Variants in LRCH1 observed in about 807,000 individuals in gnomAD.
The protein encoded by LRCH1 is leucine rich repeats and calponin homology domain containing 1.
LRCH1 carries 23 observed loss-of-function variants against 94.9 expected under a neutral mutation model. That is an observed-to-expected ratio of 0.24 (90% CI 0.17 to 0.34). LRCH1 has a LOEUF of 0.34. Ranked by LOEUF, LRCH1 falls within the 10% of genes least tolerant of loss-of-function variation. The pLI, the probability that LRCH1 is intolerant of heterozygous loss-of-function variation, is 1.00. For missense variants in LRCH1, 790 were observed against 945.9 expected, an observed-to-expected ratio of 0.84 and a Z score of 2.16; for synonymous variants, 364 against 354.9, an observed-to-expected ratio of 1.03 and a Z score of -0.29.
chr13:46,694,793 C>G (rs1871088831), intron 8 of LRCH1, 100 bp from the exon 9 acceptor site: 1 of 1,309,548 alleles, frequency 7.6e-7, no homozygotes, highest in Non-Finnish European at 1.1e-6. Flanking sequence ...ATAGGGAACA[C>G]AGAAGACTTG....
intron 13 of LRCH1, among the ~76,000 whole-genome samples, chr13:46,707,529 C>A (rs1478757555): frequency 3.9e-5 from 6 of 152,178 alleles, no homozygotes; most frequent in Non-Finnish European, 8.8e-5. Flanking sequence ...TAGTTCAAGA[C>A]CATCTTAGCA....
chr13:46,677,293 G>C (rs1301915768), intron 3 of LRCH1, among the ~76,000 whole-genome samples: 2 of 151,060 alleles, frequency 1.3e-5, no homozygotes, highest in Middle Eastern at 3.4e-3. Flanking sequence ...GCCATGTGTG[G>C]TGGCACACAC....
chr13:46,741,584 G>T, intron 19 of LRCH1, 58 bp from the exon 20 acceptor site: 1 of 1,604,096 alleles, frequency 6.2e-7, no homozygotes. Context: ...CTGTTCCTCC[G>T]TGTATTTTTA....
chr13:46,663,150 C>T (rs2051470771), intron 2 of LRCH1, among the ~76,000 whole-genome samples: 1 of 152,132 alleles, frequency 6.6e-6, no homozygotes, highest in Admixed American at 6.5e-5. Flanking sequence ...ATTTAATATA[C>T]ATTATGTAAT....
At chr13:46,590,964 T>G (rs1430537408) in intron 1 of LRCH1, among the ~76,000 whole-genome samples, 1 of 152,142 alleles carries the variant, frequency 6.6e-6, no homozygotes, top group South Asian at 2.1e-4. Context: ...TATTTTTCAT[T>G]GCTTATGGCT....
intron 1 of LRCH1, among the ~76,000 whole-genome samples, chr13:46,592,372 TC>T (rs2050510125): frequency 6.6e-6 from 1 of 152,166 alleles, no homozygotes; most frequent in South Asian, 2.1e-4. Context: ...GGCATTCCCA[TC>T]CTTTTAGCTC....
rs560394108 is a variant in LRCH1 at position 46,731,387 on chromosome 13, C to T, written c.2007+2403C>T. Among the ~76,000 whole-genome samples, 11 of 152,110 alleles carry T rather than the reference C, an allele frequency of 7.2e-5. No homozygotes were observed. The South Asian group carries it at 1.9e-3, about 26-fold the overall frequency. On this transcript the variant is annotated intron_variant, in intron 18 of 19. Coordinates refer to ENST00000389797, the MANE Select transcript of LRCH1 (RefSeq NM_001164211.2). ...CTGGGATTACAGGTGCCCACCACCA[C>T]GCCTGGCTAATTTTTGTATTTTTAC...
In LRCH1 at chr13:46,750,442, G is replaced by C. The variant is rs1874078027; in HGVS notation, c.1981-98G>C. The C allele has an allele frequency of 3.7e-6, 3 of 810,792 alleles. No individual in the cohort carries two copies. The East Asian group carries it at 8.1e-5, about 22-fold the overall frequency. The allele number at this position is 810,792 out of a possible 1,614,324, so 50.2% of individuals were successfully genotyped here. A position where few individuals can be genotyped will look rare whatever the true frequency, so the allele number is the denominator to read the frequency against. ...TAGGTGATCAAACAGGCATACTAGAGTATTCAACCTAACTTTGATGTCATC... is the reference window on the plus strand; with the variant it reads ...TAGGTGATCAAACAGGCATACTAGACTATTCAACCTAACTTTGATGTCATC... On this transcript the variant is annotated intron_variant, in intron 18 of 18. Transcript: ENST00000311191.
At chr13:46,562,390 CTT>C (rs2050139215) in intron 1 of LRCH1, among the ~76,000 whole-genome samples, 1 of 152,168 alleles carries the variant, frequency 6.6e-6, no homozygotes, top group Admixed American at 6.5e-5. Flanking sequence ...AGGCCTCTCT[CTT>C]GGCTTACAGG....
chr13:46,594,870 A>G (rs2050541573), intron 1 of LRCH1, among the ~76,000 whole-genome samples: 2 of 152,166 alleles, frequency 1.3e-5, no homozygotes, highest in Non-Finnish European at 2.9e-5. Flanking sequence ...CTGTAATAAG[A>G]TCTAGTAACA....
At chr13:46,681,936 T>TGTGTGTG in intron 4 of LRCH1, 90 bp downstream of exon 4, 2 of 523,204 alleles carry the variant, frequency 3.8e-6, no homozygotes, top group Non-Finnish European at 6.9e-6. Flanking sequence ...GGGTCGATCT[T>TGTGTGTG]TGTGTGTGTG....
intron 3 of LRCH1, among the ~76,000 whole-genome samples, chr13:46,679,411 A>C (rs1355671745): frequency 1.3e-5 from 2 of 152,246 alleles, no homozygotes; most frequent in Non-Finnish European, 2.9e-5. Context: ...TAATTGGGAA[A>C]AGATGGCATT....
In LRCH1 at chr13:46,687,177, T is replaced by C. The variant is rs191406749; in HGVS notation, c.823-675T>C. ...TTTCACCATGTTGGCCAGGCTGCTC[T>C]CTAATTCCTGACCCCCAGGGATCTG... On this transcript the variant is annotated intron_variant, in intron 5 of 19. Coordinates refer to ENST00000389797, the MANE Select transcript of LRCH1 (RefSeq NM_001164211.2). Among the ~76,000 whole-genome samples the C allele has an allele frequency of 2.0e-5, 3 of 152,276 alleles. No homozygotes were observed. The East Asian group carries it at 5.8e-4, about 29-fold the overall frequency.
chr13:46,679,273 T>G (rs2138138138), intron 3 of LRCH1, among the ~76,000 whole-genome samples: 1 of 152,372 alleles, frequency 6.6e-6, no homozygotes, highest in South Asian at 2.1e-4. Context: ...TGTGTGGTAT[T>G]TGTGTGAGGA....
chr13:46,679,041 C>T (rs2051715366), intron 3 of LRCH1, among the ~76,000 whole-genome samples: 1 of 152,134 alleles, frequency 6.6e-6, no homozygotes, highest in Admixed American at 6.5e-5. Context: ...CTGTGATTTC[C>T]ATAATTTATA....
At chr13:46,627,908 A>G (rs541725406) in intron 1 of LRCH1, among the ~76,000 whole-genome samples, 39 of 152,256 alleles carry the variant, frequency 2.6e-4, no homozygotes, top group African/African-American at 9.4e-4. Flanking sequence ...TGTCTCTGCT[A>G]TAATTCAATA....
At position 46,553,479 on chromosome 13, in the gene LRCH1, A is replaced by G. The variant is rs2050023902; in HGVS notation, c.83A>G (p.His28Arg). The G allele has an allele frequency of 6.5e-7, 1 of 1,546,236 alleles. No individual in the cohort carries two copies. The highest frequency in any genetic ancestry group is 1.2e-5 in the South Asian group (1 of 83,804). Reference protein sequence around the residue: ...ATLHPLHHPHHHHHHHQHHGG... With the variant: ...ATLHPLHHPHRHHHHHQHHGG... ...CTGCACCCACTTCATCATCCCCACC[A>G]CCACCACCACCACCATCAGCACCAC... The change falls in exon 1 of 20, where the codon CAC becomes CGC. Residue 28 changes from histidine (H) to arginine (R), a missense_variant. This residue lies in a region of LRCH1 where 136 missense variants were observed against 143.5 expected (regional missense o/e 0.95). Transcript: ENST00000389797.
exon 19 of LRCH1, chr13:46,751,263 C>A (rs1254871850): frequency 6.6e-6 from 1 of 151,710 alleles, no homozygotes; most frequent in South Asian, 2.1e-4. Context: ...ATTTTCTATC[C>A]TCTTTGGTGT....
intron 1 of LRCH1, among the ~76,000 whole-genome samples, chr13:46,554,910 G>A (rs1477355449): frequency 6.6e-6 from 1 of 152,240 alleles, no homozygotes; most frequent in Non-Finnish European, 1.5e-5. Flanking sequence ...TCTCATCACA[G>A]GAGCACCCAG....
Sources: gnomAD v4.1 joint callset for allele counts (sites outside exome capture counted in the v4.1 genomes callset) on GRCh38, gnomAD v4.1.1 for gene constraint, gnomAD v4.1.1 regional missense constraint, MANE v1.5 for transcripts, NCBI Gene and HGNC (gene_info 2026-07-23, HGNC 2026-07-21) for gene names.